The following POP1 variants were observed in gnomAD, a reference collection of about 807,000 sequenced individuals.
POP1 encodes the protein ribonucleases P/MRP protein subunit POP1.
A neutral mutation model predicts 102.2 loss-of-function variants in POP1; 75 were observed. The ratio of observed to expected loss-of-function variants is 0.73; its 90% CI spans 0.61 to 0.89. The LOEUF (loss-of-function observed/expected upper bound fraction) is 0.89. Ranked by LOEUF, POP1 falls within the 40% of genes least tolerant of loss-of-function variation. The pLI is 0.00. For synonymous variants in POP1, 436 were observed against 464.1 expected (o/e 0.94, Z 0.78); for missense variants, 1,116 against 1,267.4 (o/e 0.88, Z 1.81).
chr8:98,141,740 G>A (rs934093513), intron 11 of POP1, among the ~76,000 whole-genome samples: 1 of 90,436 alleles, frequency 1.1e-5, no homozygotes, highest in African/African-American at 4.3e-5. Context: ...TTTTTTTTTT[G>A]TATTTTTGGT....
Position 98,136,915 on chromosome 8 carries a change from C to T in POP1, c.1323C>T (p.Ser441=). ...GGCTGATTGGGCCACTTTCCCACTC[C>T]ATCCTAACTGAAGCAATAAAAGCTG... The part of the protein sequence containing the change: ...RFRLIGPLSH[S]ILTEAIKAAS... Residue 441 remains serine, a synonymous_variant, in exon 9 of 16, where the codon TCC becomes TCT. Coordinates refer to ENST00000401707, the MANE Select transcript of POP1 (RefSeq NM_001145860.2). The T allele has an allele frequency of 6.2e-7, 1 of 1,613,412 alleles. No homozygotes were observed. Among genetic ancestry groups the T allele is most frequent in the Non-Finnish European group, 8.5e-7 (1 of 1,179,312 alleles).
At chr8:98,133,363 G>A (rs894012512) in intron 5 of POP1, among the ~76,000 whole-genome samples, 1 of 151,928 alleles carries the variant, frequency 6.6e-6, no homozygotes, top group African/African-American at 2.4e-5. Context: ...TACTTTCTTT[G>A]TACTGTGCTT....
rs1809450809 is a variant in POP1 at position 98,149,156 on chromosome 8, A to G, written c.1902+150A>G. 7 of 747,134 alleles carry G rather than the reference A, an allele frequency of 9.4e-6. No individual in the cohort carries two copies. The East Asian group carries it at 1.9e-4, about 20-fold the overall frequency. 46.3% of individuals were successfully genotyped at this position (747,134 alleles called of 1,614,324 possible). On this transcript the variant is annotated intron_variant, in intron 13 of 15. Transcript: ENST00000401707. ...TTAGAGCTATAGTCCTGGATACAAG[A>G]TACTTCATACATATAGTCCCTGGAG...
chr8:98,153,380 G>C (rs777271620), intron 14 of POP1, among the ~76,000 whole-genome samples: 11 of 152,064 alleles, frequency 7.2e-5, no homozygotes, highest in Admixed American at 1.3e-4. Context: ...AAGGAAGAAG[G>C]GGGGGATTCA....
chr8:98,125,114 C>T (rs1358462201), intron 2 of POP1, among the ~76,000 whole-genome samples: 2 of 151,848 alleles, frequency 1.3e-5, no homozygotes, highest in Non-Finnish European at 2.9e-5. Flanking sequence ...ATAATTAACA[C>T]CACAATTGAA....
chr8:98,155,609 T>G (rs1191424038), intron 14 of POP1, among the ~76,000 whole-genome samples: 1 of 146,924 alleles, frequency 6.8e-6, no homozygotes, highest in East Asian at 2.0e-4. Context: ...TGAGACGGAG[T>G]CTCACTCTGT....
At chr8:98,140,707 A>G (rs1816675597) in intron 10 of POP1, 62 bp from the exon 11 acceptor site, 3 of 1,549,418 alleles carry the variant, frequency 1.9e-6, no homozygotes, top group Non-Finnish European at 2.7e-6. Context: ...ATTTAAAAAT[A>G]CAAGCAAATA....
chr8:98,136,339 G>T, intron 7 of POP1, 143 bp from the exon 8 acceptor site: 2 of 844,990 alleles, frequency 2.4e-6, no homozygotes, highest in Non-Finnish European at 3.5e-6. Flanking sequence ...GCCTCCCAAA[G>T]TGCTGGGATT....
At chr8:98,148,704 C>G (rs1809429369) in intron 12 of POP1, 111 bp from the exon 13 acceptor site, 3 of 932,080 alleles carry the variant, frequency 3.2e-6, no homozygotes, top group African/African-American at 3.3e-5. Context: ...ACGTTTTTCT[C>G]TTGCTTTTTT....
At chr8:98,137,999 A>G (rs1186324893) in intron 9 of POP1, among the ~76,000 whole-genome samples, 1 of 152,182 alleles carries the variant, frequency 6.6e-6, no homozygotes, top group Admixed American at 6.5e-5. Flanking sequence ...TAGAAGAAAG[A>G]TGCTTTAAAA....
intron 4 of POP1, 25 bp downstream of exon 4, chr8:98,128,565 G>A (rs1439351721): frequency 6.2e-7 from 1 of 1,608,324 alleles, no homozygotes; most frequent in Admixed American, 1.7e-5. Context: ...TAGTGTAAAT[G>A]TTTAGATTAG....
At chr8:98,133,647 A>G (rs1280560129) in intron 5 of POP1, among the ~76,000 whole-genome samples, 6 of 152,248 alleles carry the variant, frequency 3.9e-5, no homozygotes, top group African/African-American at 7.2e-5. Flanking sequence ...TATGGGATAA[A>G]ACATAGATTA....
At position 98,125,586 on chromosome 8, in the gene POP1, G is replaced by A. The variant is rs1188160998; in HGVS notation, c.143-2009G>A. ...GATGGAGTCTTGCTCTGTTGCCTGG[G>A]CTGGAGTGCAGTGGTGCGATCTTGG... On this transcript the variant is annotated intron_variant, in intron 2 of 15. Transcript: ENST00000401707. Among the ~76,000 whole-genome samples, 17 of 152,078 alleles carry A rather than the reference G, an allele frequency of 1.1e-4. 1 individual carries two copies. The highest frequency in any genetic ancestry group is 6.8e-3 in the Middle Eastern group (2 of 292).
chr8:98,124,382 C>T (rs567779123), intron 2 of POP1, among the ~76,000 whole-genome samples: 20 of 151,994 alleles, frequency 1.3e-4, no homozygotes, highest in Admixed American at 2.6e-4. Flanking sequence ...GCCAACATGG[C>T]GAAACTCCGT....
chr8:98,157,518 TA>T, intron 15 of POP1, 98 bp from the exon 16 acceptor site: 1 of 1,391,378 alleles, frequency 7.2e-7, no homozygotes, highest in Non-Finnish European at 1.0e-6. Flanking sequence ...TTATATAGTA[TA>T]AAAGAATCAA....
intron 15 of POP1, 80 bp downstream of exon 15, chr8:98,156,492 CTGTT>C: frequency 7.0e-6 from 11 of 1,560,632 alleles, no homozygotes; most frequent in East Asian, 2.3e-5. Flanking sequence ...AGCGTTATCA[CTGTT>C]TGTTTATGCA....
chr8:98,140,799 G>A lies in POP1; in HGVS notation c.1505G>A (p.Gly502Asp), dbSNP rs1563779161. The change falls in exon 11 of 16, where the codon GGT becomes GAT. Residue 502 changes from glycine (G) to aspartate (D), a missense_variant. Physicochemically the swap from Gly to Asp is moderately conservative, Grantham distance 94 (BLOSUM62 -1). Transcript: ENST00000401707. ...ACATCACCAGCAGAAATTCCGGCAG[G>A]TACTATTCTGGGACTGACAGTTGGG... is the stretch of plus-strand genomic sequence containing the variant. ...GITSPAEIPA[G>D]TILGLTVGDP... 6.2e-7 allele frequency: 1 copy of A among 1,614,018 alleles called. No homozygotes were observed. Among genetic ancestry groups the A allele is most frequent in the Admixed American group, 1.7e-5 (1 of 60,010 alleles).
intron 13 of POP1, 32 bp from the exon 14 acceptor site, chr8:98,150,453 G>T: frequency 6.2e-7 from 1 of 1,612,754 alleles, no homozygotes; most frequent in South Asian, 1.1e-5. Flanking sequence ...TAAGTTGGTA[G>T]ACTGACAGTA....
intron 9 of POP1, among the ~76,000 whole-genome samples, chr8:98,138,846 GC>G (rs541788969): frequency 7.3e-6 from 1 of 137,272 alleles, no homozygotes; most frequent in East Asian, 2.0e-4. Flanking sequence ...TGTTATGATT[GC>G]TTTTTTTTTT....
Sources: gnomAD v4.1 joint callset for allele counts (sites outside exome capture counted in the v4.1 genomes callset) on GRCh38, gnomAD v4.1.1 for gene constraint, MANE v1.5 for transcripts, NCBI Gene and HGNC (gene_info 2026-07-23, HGNC 2026-07-21) for gene names.